Variants in DTNB observed in about 807,000 individuals in gnomAD.
The protein encoded by DTNB is dystrobrevin beta.
In DTNB, 63 loss-of-function variants were observed where a neutral mutation model predicts 90.7. The observed-to-expected ratio is 0.69, with a 90% CI of 0.57 to 0.86. The LOEUF is 0.86. Ranked by LOEUF, DTNB falls within the 40% of genes least tolerant of loss-of-function variation. The probability of loss-of-function intolerance (pLI) is 0.00; values close to 1 mark genes in which losing one functional copy is unlikely to be tolerated. For missense variants in DTNB, 744 were observed against 807.1 expected (o/e 0.92, Z 0.95); for synonymous variants, 277 against 286.7 (o/e 0.97, Z 0.34).
chr2:25,636,400 T>C (rs540918817), intron 3 of DTNB, among the ~76,000 whole-genome samples: 2 of 152,264 alleles, frequency 1.3e-5, no homozygotes, highest in East Asian at 1.9e-4. Flanking sequence ...TTTAGAACAA[T>C]GCATCTTTTA....
chr2:25,571,454 C>G (rs938263815), intron 8 of DTNB, among the ~76,000 whole-genome samples: 1 of 152,194 alleles, frequency 6.6e-6, no homozygotes, highest in Non-Finnish European at 1.5e-5. Flanking sequence ...TTGTCTCCTA[C>G]AATCCTCCCC....
chr2:25,439,728 A>G (rs1185434302), intron 12 of DTNB, among the ~76,000 whole-genome samples: 2 of 152,356 alleles, frequency 1.3e-5, no homozygotes, highest in African/African-American at 2.4e-5. Flanking sequence ...TTATTTTACT[A>G]TACCTTTATT....
chr2:25,461,360 C>T (rs548363501), intron 10 of DTNB, among the ~76,000 whole-genome samples: 1 of 152,260 alleles, frequency 6.6e-6, no homozygotes, highest in East Asian at 1.9e-4. Flanking sequence ...GTTCTTCCCC[C>T]ATTCAAAGTT....
At chr2:25,634,712 T>C (rs200698415) in intron 3 of DTNB, among the ~76,000 whole-genome samples, 2 of 111,614 alleles carry the variant, frequency 1.8e-5, no homozygotes, top group African/African-American at 5.6e-5. Context: ...TTCTGTACTA[T>C]GAAAAATTAT....
In DTNB at chr2:25,429,130, T is replaced by G. The variant is rs532604909; in HGVS notation, c.1458-1499A>C. On this transcript the variant is annotated intron_variant, in intron 14 of 20. Transcript: ENST00000406818. Reference sequence around the variant, plus strand: ...ACTGAGATGCACGGCAATTGTAACATACACACTGGAATTCAAAGACTTAGT... The same window carrying G: ...ACTGAGATGCACGGCAATTGTAACAGACACACTGGAATTCAAAGACTTAGT... 2.6e-4 allele frequency among the ~76,000 whole-genome samples: 39 copies of G among 152,286 alleles called. 1 individual carries two copies. The South Asian group carries it at 6.4e-3, about 25-fold the overall frequency.
intron 9 of DTNB, among the ~76,000 whole-genome samples, chr2:25,484,768 G>A (rs931928302): frequency 4.6e-5 from 7 of 152,254 alleles, no homozygotes; most frequent in African/African-American, 1.7e-4. Context: ...TGCCTCTCTA[G>A]GCTAGAAGTC....
intron 7 of DTNB, among the ~76,000 whole-genome samples, chr2:25,580,047 T>C (rs1244437500): frequency 5.6e-5 from 8 of 142,960 alleles, no homozygotes; most frequent in Non-Finnish European, 9.0e-5. Flanking sequence ...AGTGGTGCGA[T>C]CTCAACTCAT....
chr2:25,669,983 T>G (rs1036699962), intron 1 of DTNB, among the ~76,000 whole-genome samples: 2 of 151,720 alleles, frequency 1.3e-5, no homozygotes, highest in Non-Finnish European at 2.9e-5. Context: ...AGCAACATGG[T>G]TATAGCCCCA....
chr2:25,624,988 A>T (rs527834999), intron 4 of DTNB, among the ~76,000 whole-genome samples: 3 of 152,278 alleles, frequency 2.0e-5, no homozygotes, highest in African/African-American at 4.8e-5. Context: ...TCTCAGTATT[A>T]AAAAAAATTA....
chr2:25,501,294 A>G (rs2070629924), intron 9 of DTNB, among the ~76,000 whole-genome samples: 1 of 151,926 alleles, frequency 6.6e-6, no homozygotes, highest in East Asian at 1.9e-4. Flanking sequence ...CTGCCACTGC[A>G]ACCTCGAACT....
intron 19 of DTNB, among the ~76,000 whole-genome samples, chr2:25,382,592 G>A (rs1381928455): frequency 7.8e-6 from 1 of 127,822 alleles, no homozygotes; most frequent in Non-Finnish European, 1.6e-5. Context: ...GCAGTTGCGT[G>A]ATCTTGGCTC....
intron 6 of DTNB, among the ~76,000 whole-genome samples, chr2:25,582,841 C>A (rs1008909232): frequency 6.6e-6 from 1 of 152,056 alleles, no homozygotes; most frequent in Non-Finnish European, 1.5e-5. Context: ...CTGGGAGGAA[C>A]CAGTGAATAA....
At chr2:25,635,105 T>C (rs2076864205) in intron 3 of DTNB, among the ~76,000 whole-genome samples, 1 of 145,932 alleles carries the variant, frequency 6.9e-6, no homozygotes, top group Non-Finnish European at 1.5e-5. Context: ...AATTTTAAAA[T>C]AATAGTATCA....
chr2:25,576,344 G>T (rs2060679861), intron 8 of DTNB, among the ~76,000 whole-genome samples: 2 of 149,438 alleles, frequency 1.3e-5, no homozygotes, highest in Admixed American at 6.8e-5. Flanking sequence ...TCCTGCCTCA[G>T]CCTCCCGAGT....
chr2:25,563,416 C>T (rs1252301002), intron 8 of DTNB, among the ~76,000 whole-genome samples: 1 of 152,134 alleles, frequency 6.6e-6, no homozygotes, highest in African/African-American at 2.4e-5. Flanking sequence ...TTTTTACTTT[C>T]TTGATGGCAC....
intron 2 of DTNB, chr2:25,650,207 A>T: frequency 2.0e-6 from 2 of 985,478 alleles, no homozygotes; most frequent in Non-Finnish European, 1.2e-6. Context: ...TCTTAGTATC[A>T]GGAATTACTG....
chr2:25,485,520 T>C (rs1454987597), intron 9 of DTNB, among the ~76,000 whole-genome samples: 1 of 152,208 alleles, frequency 6.6e-6, no homozygotes, highest in Non-Finnish European at 1.5e-5. Flanking sequence ...AGCACAAATA[T>C]CAAAGCTTCT....
chr2:25,669,058 G>A (rs778212410), intron 1 of DTNB, among the ~76,000 whole-genome samples: 12 of 152,172 alleles, frequency 7.9e-5, no homozygotes, highest in Non-Finnish European at 1.2e-4. Flanking sequence ...TTCATATGAG[G>A]TACCTAGAGT....
chr2:25,465,804 C>T (rs915478846), intron 10 of DTNB, among the ~76,000 whole-genome samples: 7 of 152,202 alleles, frequency 4.6e-5, no homozygotes, highest in African/African-American at 2.4e-5. Context: ...AAACTCTCTG[C>T]CCCATTCACT....
Sources: gnomAD v4.1 joint callset for allele counts (sites outside exome capture counted in the v4.1 genomes callset) on GRCh38, gnomAD v4.1.1 for gene constraint, MANE v1.5 for transcripts, NCBI Gene and HGNC (gene_info 2026-07-23, HGNC 2026-07-21) for gene names.